The following GDPD1 variants were observed in gnomAD, a reference collection of about 807,000 sequenced individuals.
The protein encoded by GDPD1 is lysophospholipase D GDPD1.
A neutral mutation model predicts 45.1 loss-of-function variants in GDPD1; 28 were observed. The ratio of observed to expected loss-of-function variants is 0.62; its 90% CI spans 0.46 to 0.85. The LOEUF (loss-of-function observed/expected upper bound fraction) is 0.85, where lower values mean the gene tolerates loss of function less well. Among genes scored for constraint, GDPD1 ranks in the 40% least tolerant of loss-of-function variants. GDPD1 has a pLI of 0.00. For missense variants in GDPD1, 256 were observed against 364.8 expected (o/e 0.70, Z 2.43); for synonymous variants, 139 against 131.4 (o/e 1.06, Z -0.40).
intron 1 of GDPD1, among the ~76,000 whole-genome samples, chr17:59,224,013 G>T (rs1466696338): frequency 6.6e-6 from 1 of 152,132 alleles, no homozygotes; most frequent in Non-Finnish European, 1.5e-5. Context: ...GGAGGGCAGT[G>T]ATGCAATCAC....
In GDPD1 at chr17:59,220,643, A is replaced by G. The variant is rs2046996163; in HGVS notation, c.34A>G (p.Thr12Ala). 6.2e-7 allele frequency: 1 copy of G among 1,613,950 alleles called. No individual in the cohort carries two copies. The highest frequency in any genetic ancestry group is 2.2e-5 in the East Asian group (1 of 44,860). ...CACTGCGGCTTTTTACCTTCTCTCT[A>G]CGCTAGGAGGATACTTGGTGACCTC... ...SSTAAFYLLS[T>A]LGGYLVTSFL... The change falls in exon 1 of 10, where the codon ACG (threonine) becomes GCG (alanine). Residue 12 changes from threonine to alanine, a missense_variant. Physicochemically the swap from Thr to Ala is moderately conservative, Grantham distance 58 (BLOSUM62 0). Transcript: ENST00000284116.
chr17:59,273,355 G>A (rs1012447538), intron 9 of GDPD1, among the ~76,000 whole-genome samples: 30 of 152,018 alleles, frequency 2.0e-4, no homozygotes, highest in Middle Eastern at 3.4e-3. Context: ...CTCGAACTCC[G>A]GACCTCAGGT....
At chr17:59,243,411 G>A (rs1271649531) in intron 2 of GDPD1, among the ~76,000 whole-genome samples, 1 of 151,998 alleles carries the variant, frequency 6.6e-6, no homozygotes, top group Non-Finnish European at 1.5e-5. Flanking sequence ...GGTTGAGGCA[G>A]GAGAATTGCT....
chr17:59,251,128 G>A (rs546116871), intron 4 of GDPD1, among the ~76,000 whole-genome samples: 1 of 152,284 alleles, frequency 6.6e-6, no homozygotes, highest in African/African-American at 2.4e-5. Context: ...AAATAACAAT[G>A]CTAGAACTTG....
intron 6 of GDPD1, among the ~76,000 whole-genome samples, chr17:59,260,032 G>A (rs1217288037): frequency 1.8e-5 from 2 of 111,686 alleles, no homozygotes; most frequent in Admixed American, 1.4e-4. Flanking sequence ...CTGCACTCCA[G>A]CCTGGGTGAC....
At chr17:59,251,745 T>A (rs926213681) in intron 4 of GDPD1, among the ~76,000 whole-genome samples, 14 of 149,940 alleles carry the variant, frequency 9.3e-5, no homozygotes, top group South Asian at 2.1e-4. Context: ...GTGGCTCACA[T>A]CTGTAATCCC....
intron 4 of GDPD1, among the ~76,000 whole-genome samples, chr17:59,254,099 C>T (rs540164276): frequency 3.3e-4 from 50 of 150,636 alleles, no homozygotes; most frequent in Non-Finnish European, 5.8e-4. Flanking sequence ...CGGTGGCTCA[C>T]GCCTGTAATC....
At chr17:59,270,889 A>G (rs764893196) in intron 7 of GDPD1, 47 bp from the exon 8 acceptor site, 3 of 1,169,482 alleles carry the variant, frequency 2.6e-6, no homozygotes, top group Non-Finnish European at 2.5e-6. Flanking sequence ...TCACACTGAT[A>G]TATTTCTGTG....
At chr17:59,248,357 T>G (rs1166839891) in intron 3 of GDPD1, among the ~76,000 whole-genome samples, 2 of 127,400 alleles carry the variant, frequency 1.6e-5, no homozygotes, top group Non-Finnish European at 3.8e-5. Context: ...AGCATTATAA[T>G]TATACCAAAA....
intron 1 of GDPD1, among the ~76,000 whole-genome samples, chr17:59,228,794 T>G (rs2047066602): frequency 6.6e-6 from 1 of 151,740 alleles, no homozygotes; most frequent in African/African-American, 2.4e-5. Flanking sequence ...GACTGGAAGA[T>G]TGCTTGAGCT....
At chr17:59,233,181 A>C (rs1454952622) in intron 1 of GDPD1, among the ~76,000 whole-genome samples, 1 of 152,130 alleles carries the variant, frequency 6.6e-6, no homozygotes, top group Non-Finnish European at 1.5e-5. Flanking sequence ...ATGCCACTGC[A>C]CTTCAGCCTG....
At chr17:59,267,228 G>C (rs1458821234) in intron 7 of GDPD1, 54 bp downstream of exon 7, 11 of 1,496,320 alleles carry the variant, frequency 7.4e-6, no homozygotes, top group Non-Finnish European at 5.5e-6. Context: ...GAAAGACTAA[G>C]ATAAAAGCTC....
intron 1 of GDPD1, among the ~76,000 whole-genome samples, chr17:59,222,408 G>C (rs1276315350): frequency 6.8e-6 from 1 of 147,218 alleles, no homozygotes; most frequent in Non-Finnish European, 1.5e-5. Context: ...GGGTTTCACT[G>C]TCTGAGCCAG....
rs139935583 is a variant in GDPD1, at chr17:59,274,732, C to T, written c.*959C>T. Among the ~76,000 whole-genome samples, 2 of 130,256 alleles carry T rather than the reference C, an allele frequency of 1.5e-5. No individual in the cohort carries two copies. Among genetic ancestry groups the T allele is most frequent in the Non-Finnish European group, 1.6e-5 (1 of 60,772 alleles). The allele number at this position is 130,256 out of a possible 152,430, so 85.5% of individuals were successfully genotyped here. A position where few individuals can be genotyped will look rare whatever the true frequency, so the allele number is the denominator to read the frequency against. On this transcript the variant is annotated 3_prime_UTR_variant, in exon 10 of 10. Coordinates refer to ENST00000284116, the MANE Select transcript of GDPD1 (RefSeq NM_182569.4). ...GGCGGAGCTTGCAGTGAGCCGAGAT[C>T]GCGCCACTGCACTCCAGCCTGGGCT...
At chr17:59,243,004 C>T (rs1416428268) in intron 2 of GDPD1, among the ~76,000 whole-genome samples, 4 of 150,646 alleles carry the variant, frequency 2.7e-5, no homozygotes, top group Non-Finnish European at 4.4e-5. Context: ...GCTTGGGCAA[C>T]ATGGTGAAAC....
chr17:59,273,026 G>T, intron 9 of GDPD1, 190 bp downstream of exon 9: 1 of 1,310,080 alleles, frequency 7.6e-7, no homozygotes, highest in Non-Finnish European at 1.0e-6. Flanking sequence ...TCTGGATCTA[G>T]ATTCCTCTTA....
chr17:59,262,828 A>C (rs942992232), intron 6 of GDPD1, among the ~76,000 whole-genome samples: 1 of 151,914 alleles, frequency 6.6e-6, no homozygotes, highest in African/African-American at 2.4e-5. Context: ...GGGTTTCACC[A>C]TGTTGGTCAG....
At chr17:59,250,542 G>T (rs1208316554) in intron 4 of GDPD1, among the ~76,000 whole-genome samples, 2 of 148,736 alleles carry the variant, frequency 1.3e-5, no homozygotes, top group African/African-American at 2.5e-5. Flanking sequence ...CTTGAGCCCA[G>T]GAGTTCAAGG....
Position 59,267,025 on chromosome 17 carries a change from T to A in GDPD1, c.577-16T>A. On this transcript the variant is annotated splice_polypyrimidine_tract_variant and intron_variant, in intron 6 of 9. Coordinates refer to ENST00000284116, the MANE Select transcript of GDPD1 (RefSeq NM_182569.4). ...CAGTTGTAAAAATAACATGTAATAT[T>A]GCTTGTGTCTTTTAGAATTCAGATA... 1 of 1,594,494 alleles carries A rather than the reference T, an allele frequency of 6.3e-7. No homozygotes were observed. Among genetic ancestry groups the A allele is most frequent in the Non-Finnish European group, 8.6e-7 (1 of 1,165,794 alleles).
Sources: gnomAD v4.1 joint callset for allele counts (sites outside exome capture counted in the v4.1 genomes callset) on GRCh38, gnomAD v4.1.1 for gene constraint, MANE v1.5 for transcripts, NCBI Gene and HGNC (gene_info 2026-07-23, HGNC 2026-07-21) for gene names.